Variants in CHRNA2 observed in about 807,000 individuals in gnomAD.
CHRNA2 encodes the protein cholinergic receptor nicotinic alpha 2 subunit, also known as neuronal acetylcholine receptor subunit alpha-2.
In CHRNA2, 40 loss-of-function variants were observed where a neutral mutation model predicts 45.5. The observed-to-expected ratio is 0.88, with a 90% CI of 0.68 to 1.15. CHRNA2 has a LOEUF of 1.15. CHRNA2 is among the 50% of genes most tolerant of loss of function. CHRNA2 has a pLI of 0.00. For synonymous variants in CHRNA2, 301 were observed against 296.7 expected (o/e 1.01, Z -0.15); for missense variants, 655 against 701.7 (o/e 0.93, Z 0.75).
chr8:27,470,020 C>T (rs1303488841), intron 2 of CHRNA2, 39 bp from the exon 3 acceptor site: 1 of 1,574,042 alleles, frequency 6.4e-7, no homozygotes, highest in Middle Eastern at 1.7e-4. Flanking sequence ...CACTGAGCCT[C>T]AGTTTGCTCA....
Position 27,463,198 on chromosome 8 carries a change from C to G in CHRNA2, c.1245G>C (p.Val415=), listed in dbSNP as rs373599393. 1.3e-6 allele frequency: 2 copies of G among 1,589,954 alleles called. No individual in the cohort carries two copies. Among genetic ancestry groups the G allele is most frequent in the Non-Finnish European group, 8.6e-7 (1 of 1,164,686 alleles). Residue 415 remains valine (V), a synonymous_variant, in exon 6 of 7, where the codon GTG becomes GTC. Transcript: ENST00000407991. The surrounding 1 kb of genome is among the most constrained non-coding windows in gnomAD (Gnocchi z 6.1). ...ESNVDAEERE[V]VVEEEDRWAC... ...CCCATCTGTCCTCCTCCTCCACCACCACCTCCCTCTCCTCGGCATCCACGT... is the reference window on the plus strand; with the variant it reads ...CCCATCTGTCCTCCTCCTCCACCACGACCTCCCTCTCCTCGGCATCCACGT...
intron 1 of CHRNA2, among the ~76,000 whole-genome samples, chr8:27,476,995 TAA>T (rs61306318): frequency 6.6e-5 from 8 of 120,976 alleles, no homozygotes; most frequent in Non-Finnish European, 1.3e-4. Context: ...TTCATGTAAG[TAA>T]AAAAAAAAAA....
chr8:27,469,645 A>G lies in CHRNA2; in HGVS notation c.294+116T>C, dbSNP rs185419685. 9.7e-4 allele frequency: 1,299 copies of G among 1,338,652 alleles called. 7 individuals are homozygous for G. In the African/African-American group the frequency reaches 0.014, roughly 14 times the overall value. 82.9% of individuals were successfully genotyped at this position (1,338,652 alleles called of 1,614,324 possible). On this transcript the variant is annotated intron_variant, in intron 3 of 6. Transcript: ENST00000407991. Reference sequence around the variant, plus strand: ...CCTGGGAAGAGCCATCCCCAACCCCACCCCAAGTCACTGCTGTGCGTGAGG... The same window carrying G: ...CCTGGGAAGAGCCATCCCCAACCCCGCCCCAAGTCACTGCTGTGCGTGAGG...
intron 2 of CHRNA2, 77 bp downstream of exon 2, chr8:27,470,909 C>T: frequency 6.8e-7 from 1 of 1,480,728 alleles, no homozygotes; most frequent in Non-Finnish European, 9.4e-7. Flanking sequence ...ACACATCCAC[C>T]TGCAGACTCC....
At chr8:27,462,927 C>T (rs372104500) in intron 6 of CHRNA2, 52 bp downstream of exon 6, 145 of 1,612,018 alleles carry the variant, frequency 9.0e-5, no homozygotes, top group Non-Finnish European at 1.1e-4. Flanking sequence ...GGTGGTTCCC[C>T]GCTAAGTTGG....
intron 6 of CHRNA2, among the ~76,000 whole-genome samples, 195 bp downstream of exon 6, chr8:27,462,784 G>A (rs1455973053): frequency 1.3e-5 from 2 of 152,176 alleles, no homozygotes; most frequent in Non-Finnish European, 2.9e-5. Flanking sequence ...AACATGCCAC[G>A]TGCCAATAAA....
intron 2 of CHRNA2, among the ~76,000 whole-genome samples, chr8:27,470,428 A>G (rs890802656): frequency 4.6e-5 from 7 of 152,194 alleles, no homozygotes; most frequent in African/African-American, 1.2e-4. Context: ...GCTAACAGGG[A>G]AATGGACCGC....
rs748420222 is a variant in CHRNA2, at chr8:27,469,741, C to T, written c.294+20G>A. The T allele has an allele frequency of 1.6e-5, 26 of 1,613,674 alleles. No individual in the cohort carries two copies. The Middle Eastern group carries it at 4.9e-4, about 31-fold the overall frequency. ...TCTGGGATCTCCTTCCTCGGGCCAGCGGTGGGAAGACAGGCGCACCACATC... is the reference window on the plus strand; with the variant it reads ...TCTGGGATCTCCTTCCTCGGGCCAGTGGTGGGAAGACAGGCGCACCACATC... On this transcript the variant is annotated intron_variant, in intron 3 of 6. Transcript: ENST00000407991.
intron 5 of CHRNA2, among the ~76,000 whole-genome samples, chr8:27,466,318 A>G (rs189889468): frequency 6.6e-6 from 1 of 152,324 alleles, no homozygotes; most frequent in East Asian, 1.9e-4. Flanking sequence ...TAAAGATAGC[A>G]TTTCCAAAGT....
chr8:27,471,258 C>T, intron 1 of CHRNA2, 64 bp from the exon 2 acceptor site: 1 of 571,796 alleles, frequency 1.7e-6, no homozygotes, highest in Non-Finnish European at 3.2e-6. Flanking sequence ...ATTTCTGTTT[C>T]TCATGCTCCA....
At chr8:27,471,345 A>T in intron 1 of CHRNA2, 151 bp from the exon 2 acceptor site, 1 of 391,068 alleles carries the variant, frequency 2.6e-6, no homozygotes, top group East Asian at 5.7e-5. Flanking sequence ...TCCCTGGCTT[A>T]TTGAGGAATC....
At chr8:27,469,541 G>A (rs1026955886) in intron 3 of CHRNA2, 162 bp from the exon 4 acceptor site, 1 of 893,052 alleles carries the variant, frequency 1.1e-6, no homozygotes, top group African/African-American at 1.7e-5. Context: ...AGATTCTCCA[G>A]GGTCACACAG....
rs1554514453 is a variant in CHRNA2, at chr8:27,463,388, A to G, written c.1055T>C (p.Val352Ala). The G allele has an allele frequency of 6.2e-7, 1 of 1,614,116 alleles. No homozygotes were observed. The highest frequency in any genetic ancestry group is 8.5e-7 in the Non-Finnish European group (1 of 1,180,024). The change falls in exon 6 of 7, where the codon GTG (valine) becomes GCG (alanine). Residue 352 changes from valine to alanine, a missense_variant. By Grantham distance (64) the Val-to-Ala change is moderately conservative. Coordinates refer to ENST00000407991, the MANE Select transcript of CHRNA2 (RefSeq NM_000742.4). The surrounding 1 kb of genome is among the most constrained non-coding windows in gnomAD (Gnocchi z 6.1). ...SIVITVFVLN[V>A]HHRSPSTHTM... ...GTGGGTGCTGGGGGAGCGGTGGTGC[A>G]CATTGAGCACGAAGACGGTGATGAC...
intron 1 of CHRNA2, among the ~76,000 whole-genome samples, chr8:27,474,340 G>T (rs1027465621): frequency 1.3e-5 from 2 of 152,210 alleles, no homozygotes; most frequent in African/African-American, 4.8e-5. Flanking sequence ...TCAATTCAAA[G>T]ACTTGTTGAA....
At chr8:27,466,351 G>A (rs1171628084) in intron 5 of CHRNA2, among the ~76,000 whole-genome samples, 1 of 152,184 alleles carries the variant, frequency 6.6e-6, no homozygotes, top group Non-Finnish European at 1.5e-5. Context: ...ATTGGGAAAT[G>A]CTGGGCTAGG....
Position 27,463,142 on chromosome 8 carries a change from C to T in CHRNA2, c.1301G>A (p.Gly434Asp), listed in dbSNP as rs762408022. The change falls in exon 6 of 7, where the codon GGC becomes GAC. Residue 434 changes from glycine (G) to aspartate (D), a missense_variant. Physicochemically the swap from Gly to Asp is moderately conservative, Grantham distance 94 (BLOSUM62 -1). Coordinates refer to ENST00000407991, the MANE Select transcript of CHRNA2 (RefSeq NM_000742.4). This position sits in a 1 kb window ranked among gnomAD's most constrained non-coding sequence, Gnocchi z 6.1. ...ACAGHVAPSV[G>D]TLCSHGHLHS... ...CAGGTGGCCGTGGCTGCAGAGGGTG[C>T]CCACAGAGGGGGCCACATGACCTGC... The T allele has an allele frequency of 1.0e-5, 16 of 1,603,774 alleles. No homozygotes were observed. Among genetic ancestry groups the T allele is most frequent in the Non-Finnish European group, 1.3e-5 (15 of 1,171,950 alleles).
At chr8:27,473,832 C>T (rs1812976579) in intron 1 of CHRNA2, among the ~76,000 whole-genome samples, 1 of 152,210 alleles carries the variant, frequency 6.6e-6, no homozygotes, top group South Asian at 2.1e-4. Flanking sequence ...CACAGACTCT[C>T]AACAGTGTTT....
rs753434826 is a variant in CHRNA2 at position 27,461,672 on chromosome 8, G to A, written c.1547C>T (p.Thr516Ile). 3 of 1,614,108 alleles carry A rather than the reference G, an allele frequency of 1.9e-6. No individual in the cohort carries two copies. The highest frequency in any genetic ancestry group is 2.5e-6 in the Non-Finnish European group (3 of 1,180,046). The stretch of plus-strand genomic sequence containing the variant: ...GAACGGAGGCAGAAAGAGGCCGATG[G>A]TCCCCAGGAAGCAGACGATGATAAA... ...WLFIIVCFLGTIGLFLPPFLA... is the reference protein window; with the variant it reads ...WLFIIVCFLGIIGLFLPPFLA... Residue 516 changes from threonine to isoleucine, a missense_variant, in exon 7 of 7, where the codon ACC becomes ATC. By Grantham distance (89) the Thr-to-Ile change is moderately conservative. This residue lies in a region of CHRNA2 where 295 missense variants were observed against 280.4 expected (regional missense o/e 1.05). Transcript: ENST00000407991.
At position 27,462,982 on chromosome 8, in the gene CHRNA2, A is replaced by G; in HGVS notation, c.1461T>C (p.Ser487=). 1 of 1,614,054 alleles carries G rather than the reference A, an allele frequency of 6.2e-7. No homozygotes were observed. Among genetic ancestry groups the G allele is most frequent in the Non-Finnish European group, 8.5e-7 (1 of 1,180,026 alleles). The change falls in exon 6 of 7, where the codon TCT becomes TCC. Residue 487 remains serine, a synonymous_variant. Transcript: ENST00000407991. ...ADHLRSEDAD[S]SVKEDWKYVA... is the part of the protein sequence containing the mutation. The stretch of plus-strand genomic sequence containing the variant: ...GCCTCTCCCAACCCCAACGCACCGA[A>G]GAGTCAGCATCCTCAGACCGCAGGT...
Sources: gnomAD v4.1 joint callset for allele counts (sites outside exome capture counted in the v4.1 genomes callset) on GRCh38, gnomAD v4.1.1 for gene constraint, gnomAD v4.1.1 regional missense constraint, Gnocchi (gnomAD v3.1) non-coding constraint, MANE v1.5 for transcripts, NCBI Gene and HGNC (gene_info 2026-07-23, HGNC 2026-07-21) for gene names.